The following ZNF71 variants were observed in gnomAD, a reference collection of about 807,000 sequenced individuals.
ZNF71 encodes zinc finger protein 71.
In ZNF71, 3 loss-of-function variants were observed where a neutral mutation model predicts 6.7. The ratio of observed to expected loss-of-function variants is 0.45; its 90% CI spans 0.20 to 1.16. The LOEUF (loss-of-function observed/expected upper bound fraction) is 1.16, where lower values mean the gene tolerates loss of function less well. ZNF71 is among the 50% of genes most tolerant of loss of function. The pLI is 0.25. For synonymous variants in ZNF71, 343 were observed against 311.1 expected, an observed-to-expected ratio of 1.10 and a Z score of -1.08; for missense variants, 688 against 728.6, an observed-to-expected ratio of 0.94 and a Z score of 0.64.
At chr19:56,599,819 G>A (rs978554726) in intron 1 of ZNF71, among the ~76,000 whole-genome samples, 5 of 149,848 alleles carry the variant, frequency 3.3e-5, no homozygotes, top group Admixed American at 6.7e-5. Context: ...TCAGCCTCCC[G>A]AGTAGCTGGG....
At chr19:56,606,588 G>C (rs1442305900) in intron 2 of ZNF71, among the ~76,000 whole-genome samples, 1 of 152,152 alleles carries the variant, frequency 6.6e-6, no homozygotes, top group African/African-American at 2.4e-5. Flanking sequence ...GATGGCAGCT[G>C]GGCTAGAGTA....
At position 56,622,667 on chromosome 19, in the gene ZNF71, C is replaced by T. The variant is rs750332150; in HGVS notation, c.1560C>T (p.His520=). The change falls in exon 4 of 4, where the codon CAC becomes CAT. Residue 520 remains histidine, a synonymous_variant. Transcript: ENST00000599599. ...CCCTCACTGTGCACCAGCGGATCCA[C>T]ACGGGCGAGAAGCCCTACCGATGCG... ...NSSLTVHQRI[H]TGEKPYRCGE... The T allele has an allele frequency of 6.2e-7, 1 of 1,614,216 alleles. No homozygotes were observed. The highest frequency in any genetic ancestry group is 1.1e-5 in the South Asian group (1 of 91,084).
Position 56,613,822 on chromosome 19 carries a change from C to T in ZNF71, c.44C>T (p.Thr15Met), listed in dbSNP as rs906222679. 3.6e-5 allele frequency: 40 copies of T among 1,109,174 alleles called. No homozygotes were observed. The highest frequency in any genetic ancestry group is 1.8e-4 in the South Asian group (6 of 33,986). 68.7% of individuals were successfully genotyped at this position (1,109,174 alleles called of 1,614,324 possible). ...LLTDEALESVTFRDVTVDFTQ... is the reference protein window; with the variant it reads ...LLTDEALESVMFRDVTVDFTQ... The stretch of plus-strand genomic sequence containing the variant: ...GGTTTCCTCTTACAGGAATCAGTGA[C>T]GTTCAGGGATGTGACTGTGGACTTC... Residue 15 changes from threonine (T) to methionine (M), a missense_variant, in exon 3 of 4, where the codon ACG (threonine) becomes ATG (methionine). Physicochemically the swap from Thr to Met is moderately conservative, Grantham distance 81 (BLOSUM62 -1). Transcript: ENST00000599599. This position sits in a 1 kb window ranked among gnomAD's most constrained non-coding sequence, Gnocchi z 4.6.
intron 1 of ZNF71, among the ~76,000 whole-genome samples, chr19:56,599,062 G>A (rs1369871231): frequency 6.6e-6 from 1 of 152,172 alleles, no homozygotes; most frequent in African/African-American, 2.4e-5. Context: ...TTTGAGAATT[G>A]GTGCACCAGC....
In ZNF71 at chr19:56,621,289, TGAAAG is replaced by T; in HGVS notation, c.183_187del (p.Met61IlefsTer7). 6.6e-7 allele frequency: 1 copy of T among 1,518,426 alleles called. No homozygotes were observed. The highest frequency in any genetic ancestry group is 8.8e-7 in the Non-Finnish European group (1 of 1,134,590). The allele number at this position is 1,518,426 out of a possible 1,614,324, so 94.1% of individuals were successfully genotyped here. A position where few individuals can be genotyped will look rare whatever the true frequency, so the allele number is the denominator to read the frequency against. On this transcript the variant is annotated frameshift_variant, in exon 4 of 4. Coordinates refer to ENST00000599599, the MANE Select transcript of ZNF71 (RefSeq NM_001370215.1). LOFTEE classifies it low-confidence loss of function (END_TRUNC). The stretch of plus-strand genomic sequence containing the variant: ...TCAGACTGGGAGACTAGACCTGAAA[TGAAAG>T]AGTTGGATCCAAAGAATGACATTTC...
chr19:56,623,988 G>C lies in ZNF71; in HGVS notation c.*1231G>C, dbSNP rs183594016. On this transcript the variant is annotated 3_prime_UTR_variant, in exon 4 of 4. Transcript: ENST00000599599. ...ACCAACAGACCATATCAGTAACTTC[G>C]AGTGAGTTTCCTAAGGCCGACTGAA... 6.0e-6 allele frequency: 1 copy of C among 167,188 alleles called. No homozygotes were observed. Among genetic ancestry groups the C allele is most frequent in the Admixed American group, 6.5e-5 (1 of 15,304 alleles). 10.4% of individuals were successfully genotyped at this position (167,188 alleles called of 1,614,324 possible). A position where few individuals can be genotyped will look rare whatever the true frequency, so the allele number is the denominator to read the frequency against.
Position 56,613,778 on chromosome 19 carries a change from C to A in ZNF71, c.34-34C>A. On this transcript the variant is annotated intron_variant, in intron 2 of 3. Transcript: ENST00000599599. This position sits in a 1 kb window ranked among gnomAD's most constrained non-coding sequence, Gnocchi z 4.6. ...TCCTCCACGCCTCTGTAAGGAGGGCCCTGCGATGAGCGGATGTGGGTTTCC... is the reference window on the plus strand; with the variant it reads ...TCCTCCACGCCTCTGTAAGGAGGGCACTGCGATGAGCGGATGTGGGTTTCC... 1 of 1,080,200 alleles carries A rather than the reference C, an allele frequency of 9.3e-7. No homozygotes were observed. The highest frequency in any genetic ancestry group is 1.1e-6 in the Non-Finnish European group (1 of 872,398). The allele number at this position is 1,080,200 out of a possible 1,614,324, so 66.9% of individuals were successfully genotyped here.
intron 2 of ZNF71, among the ~76,000 whole-genome samples, chr19:56,609,726 C>T (rs138503140): frequency 5.3e-5 from 8 of 149,826 alleles, no homozygotes; most frequent in Admixed American, 2.0e-4. Context: ...ATGAGGCATA[C>T]GATATGGATT....
Position 56,598,630 on chromosome 19 carries a change from G to C in ZNF71, c.-52-2877G>C, listed in dbSNP as rs4801344. Among the ~76,000 whole-genome samples, 21,275 of 152,036 alleles carry C rather than the reference G, an allele frequency of 0.14. 1,920 individuals are homozygous for C. Among genetic ancestry groups the C allele is most frequent in the African/African-American group, 0.24 (10,004 of 41,412 alleles). On this transcript the variant is annotated intron_variant, in intron 1 of 3. Transcript: ENST00000599599. The surrounding 1 kb of genome is among the most constrained non-coding windows in gnomAD (Gnocchi z 4.2). ...ATCATTCTTTGTTGTGGGGCCTGTCGCGTGCATCGTACAGTGTGTAGCAGC... is the reference window on the plus strand; with the variant it reads ...ATCATTCTTTGTTGTGGGGCCTGTCCCGTGCATCGTACAGTGTGTAGCAGC...
intron 1 of ZNF71, among the ~76,000 whole-genome samples, chr19:56,597,639 G>A (rs183826683): frequency 1.3e-5 from 2 of 152,230 alleles, no homozygotes; most frequent in East Asian, 1.9e-4. Flanking sequence ...ACTCTGCTTC[G>A]CAGAGGCGAC....
intron 2 of ZNF71, among the ~76,000 whole-genome samples, chr19:56,606,307 A>T (rs745553935): frequency 1.3e-5 from 2 of 152,162 alleles, no homozygotes; most frequent in Non-Finnish European, 2.9e-5. Context: ...GTTTCCAGGA[A>T]CCATCAATGA....
intron 2 of ZNF71, among the ~76,000 whole-genome samples, chr19:56,607,234 C>G (rs1254941304): frequency 1.3e-5 from 2 of 152,124 alleles, no homozygotes; most frequent in African/African-American, 4.8e-5. Flanking sequence ...GCTTGGGCAG[C>G]AGGACTGGGC....
chr19:56,613,963 C>T lies in ZNF71; in HGVS notation c.160+25C>T. The T allele has an allele frequency of 9.4e-7, 1 of 1,066,392 alleles. No individual in the cohort carries two copies. The highest frequency in any genetic ancestry group is 1.7e-5 in the African/African-American group (1 of 58,912). 66.1% of individuals were successfully genotyped at this position (1,066,392 alleles called of 1,614,324 possible). A position where few individuals can be genotyped will look rare whatever the true frequency, so the allele number is the denominator to read the frequency against. On this transcript the variant is annotated intron_variant, in intron 3 of 3. Coordinates refer to ENST00000599599, the MANE Select transcript of ZNF71 (RefSeq NM_001370215.1). This position sits in a 1 kb window ranked among gnomAD's most constrained non-coding sequence, Gnocchi z 4.6. ...GGTAAGGGGCAGCTTCGTTGAGTTA[C>T]TCATCATTGGCCCATAACTTCAGGA...
intron 2 of ZNF71, chr19:56,610,343 C>T (rs1247486889): frequency 6.6e-6 from 1 of 152,236 alleles, no homozygotes; most frequent in African/African-American, 2.4e-5. Flanking sequence ...ATTATTTCCT[C>T]TTATGGAAAT....
intron 1 of ZNF71, among the ~76,000 whole-genome samples, chr19:56,595,806 CT>C (rs1379775197): frequency 6.7e-6 from 1 of 149,104 alleles, no homozygotes; most frequent in Non-Finnish European, 1.5e-5. Context: ...TTGTGTCGTC[CT>C]GAGGGTATGG....
At chr19:56,614,819 A>G (rs1302695624) in intron 3 of ZNF71, among the ~76,000 whole-genome samples, 1 of 152,200 alleles carries the variant, frequency 6.6e-6, no homozygotes, top group Non-Finnish European at 1.5e-5. Context: ...CACCATGATC[A>G]AGATAAAGGA....
In ZNF71 at chr19:56,621,744, A is replaced by G; in HGVS notation, c.637A>G (p.Thr213Ala). ...CCTGATAAAGCACCAAAGGATCCAC[A>G]CGGGAGAAAAGCCGTTTGAGTGTGA... ...SSLIKHQRIH[T>A]GEKPFECDTC... The change falls in exon 4 of 4, where the codon ACG becomes GCG. Residue 213 changes from threonine (T) to alanine (A), a missense_variant. Thr to Ala is a moderately conservative substitution (Grantham distance 58). Coordinates refer to ENST00000599599, the MANE Select transcript of ZNF71 (RefSeq NM_001370215.1). 3 of 1,614,054 alleles carry G rather than the reference A, an allele frequency of 1.9e-6. No homozygotes were observed. Among genetic ancestry groups the G allele is most frequent in the Non-Finnish European group, 2.5e-6 (3 of 1,180,038 alleles).
chr19:56,614,769 GTT>G (rs2044777909), intron 3 of ZNF71, among the ~76,000 whole-genome samples: 1 of 152,184 alleles, frequency 6.6e-6, no homozygotes, highest in Non-Finnish European at 1.5e-5. Context: ...AAAGTGAAGA[GTT>G]TGATGCATTT....
intron 2 of ZNF71, among the ~76,000 whole-genome samples, chr19:56,611,936 C>G (rs2044754907): frequency 6.6e-6 from 1 of 152,176 alleles, no homozygotes; most frequent in Admixed American, 6.5e-5. Context: ...CAGCCTTGTC[C>G]CTGTGTACAT....
Sources: gnomAD v4.1 joint callset for allele counts (sites outside exome capture counted in the v4.1 genomes callset) on GRCh38, gnomAD v4.1.1 for gene constraint, Gnocchi (gnomAD v3.1) non-coding constraint, MANE v1.5 for transcripts, NCBI Gene and HGNC (gene_info 2026-07-23, HGNC 2026-07-21) for gene names.